Variants in NUDT19 observed in about 807,000 individuals in gnomAD.
NUDT19 encodes the protein acyl-coenzyme A diphosphatase NUDT19.
A neutral mutation model predicts 22.2 loss-of-function variants in NUDT19; 31 were observed. That is an observed-to-expected ratio of 1.40 (90% CI 1.05 to 1.89). The LOEUF (loss-of-function observed/expected upper bound fraction) is 1.89. Ranked by LOEUF, NUDT19 falls within the 40% of genes most tolerant of loss-of-function variation. The pLI is 0.00. For synonymous variants in NUDT19, 325 were observed against 230.8 expected (o/e 1.41, Z -3.70); for missense variants, 752 against 514.2 (o/e 1.46, Z -4.47).
In NUDT19 at chr19:32,691,928, C is replaced by G; in HGVS notation, c.-33C>G. 4 of 1,184,314 alleles carry G rather than the reference C, an allele frequency of 3.4e-6. 1 individual carries two copies. Among genetic ancestry groups the G allele is most frequent in the Non-Finnish European group, 2.1e-6 (2 of 949,118 alleles). 73.4% of individuals were successfully genotyped at this position (1,184,314 alleles called of 1,614,324 possible). ...GGGCCACCTGCCGTGGAGCTCAGGC[C>G]GCGCCAGAATCGGATCCGGGAAGCT... On this transcript the variant is annotated 5_prime_UTR_variant, in exon 1 of 3. Transcript: ENST00000397061.
At chr19:32,704,300 C>T (rs771712138) in intron 1 of NUDT19, among the ~76,000 whole-genome samples, 3 of 151,204 alleles carry the variant, frequency 2.0e-5, no homozygotes, top group East Asian at 2.0e-4. Flanking sequence ...CTTGCTCTGC[C>T]GCCCAGGCTG....
At chr19:32,703,648 CTTTTTTTTTTTTTTTTTTTT>C (rs60766132) in intron 1 of NUDT19, among the ~76,000 whole-genome samples, 7,223 of 68,854 alleles carry the variant, frequency 0.1, 465 homozygotes, top group South Asian at 0.25. Flanking sequence ...TGTGCCCAGC[CTTTTTTTTTTTTTTTTTTTT>C]TTTTTTTTTT....
chr19:32,696,356 G>A (rs919429865), intron 1 of NUDT19, among the ~76,000 whole-genome samples: 1 of 151,120 alleles, frequency 6.6e-6, no homozygotes, highest in African/African-American at 2.4e-5. Context: ...CCCCTAAACA[G>A]TTAGTCTAGC....
intron 1 of NUDT19, among the ~76,000 whole-genome samples, chr19:32,699,748 G>A (rs758112054): frequency 1.3e-5 from 2 of 152,196 alleles, no homozygotes; most frequent in Non-Finnish European, 2.9e-5. Flanking sequence ...GGTTCCTTCT[G>A]GTGGGTTCTT....
At chr19:32,706,399 T>C (rs191095006) in intron 1 of NUDT19, among the ~76,000 whole-genome samples, 99 of 152,310 alleles carry the variant, frequency 6.5e-4, no homozygotes, top group African/African-American at 2.2e-3. Context: ...TATAAGTTAT[T>C]GTTGGCTGAG....
intron 1 of NUDT19, 116 bp from the exon 2 acceptor site, chr19:32,709,069 G>T (rs986776708): frequency 1.3e-6 from 1 of 741,900 alleles, no homozygotes; most frequent in East Asian, 2.5e-5. Context: ...CTCACAGGGC[G>T]CATTAATGAA....
Position 32,692,144 on chromosome 19 carries a change from T to C in NUDT19, c.184T>C (p.Phe62Leu), listed in dbSNP as rs1782507622. Residue 62 changes from phenylalanine to leucine, a missense_variant, in exon 1 of 3, where the codon TTC becomes CTC. Transcript: ENST00000397061. ...AGGCTTCATGCCGGGCGCGCACGTC[T>C]TCTCCGGCGGAGTGCTGGATGCGGC... Reference protein sequence around the residue: ...HQGFMPGAHVFSGGVLDAADR... With the variant: ...HQGFMPGAHVLSGGVLDAADR... The C allele has an allele frequency of 1.3e-6, 2 of 1,495,980 alleles. No individual in the cohort carries two copies. Among genetic ancestry groups the C allele is most frequent in the South Asian group, 1.3e-5 (1 of 79,302 alleles). The allele number at this position is 1,495,980 out of a possible 1,614,324, so 92.7% of individuals were successfully genotyped here.
At chr19:32,693,080 C>G (rs1485465751) in intron 1 of NUDT19, among the ~76,000 whole-genome samples, 1 of 152,232 alleles carries the variant, frequency 6.6e-6, no homozygotes, top group African/African-American at 2.4e-5. Flanking sequence ...CTGTGTTGCA[C>G]ACCCAGGCTC....
chr19:32,692,627 G>A lies in NUDT19; in HGVS notation c.667G>A (p.Glu223Lys), dbSNP rs371914660. Reference protein sequence around the residue: ...DTAFFLCCLREPPPVYPDLAE... With the variant: ...DTAFFLCCLRKPPPVYPDLAE... ...GGCCTTCTTCCTGTGCTGCCTGCGCGAGCCGCCGCCCGTCTACCCCGACTT... is the reference window on the plus strand; with the variant it reads ...GGCCTTCTTCCTGTGCTGCCTGCGCAAGCCGCCGCCCGTCTACCCCGACTT... Residue 223 changes from glutamate (E) to lysine (K), a missense_variant, in exon 1 of 3, where the codon GAG (glutamate) becomes AAG (lysine). Coordinates refer to ENST00000397061, the MANE Select transcript of NUDT19 (RefSeq NM_001105570.2). 4.6e-6 allele frequency: 7 copies of A among 1,535,778 alleles called. No homozygotes were observed. The highest frequency in any genetic ancestry group is 2.0e-4 in the Middle Eastern group (1 of 5,046).
At chr19:32,703,201 G>A (rs922927082) in intron 1 of NUDT19, among the ~76,000 whole-genome samples, 4 of 151,668 alleles carry the variant, frequency 2.6e-5, no homozygotes, top group Admixed American at 2.0e-4. Context: ...GGTTTTCTCC[G>A]TGTTGGTCAG....
rs373051384 is a variant in NUDT19, at chr19:32,711,902, C to G, written c.1073C>G (p.Pro358Arg). Reference sequence around the variant, plus strand: ...TATGATATCCACGTGACTGTTCAGCCAAAGTATAAACACGTTTATCCTAAG... The same window carrying G: ...TATGATATCCACGTGACTGTTCAGCGAAAGTATAAACACGTTTATCCTAAG... The part of the protein sequence containing the change: ...HLYDIHVTVQ[P>R]KYKHVYPKNS... The change falls in exon 3 of 3, where the codon CCA (proline) becomes CGA (arginine). Residue 358 changes from proline (P) to arginine (R), a missense_variant. Coordinates refer to ENST00000397061, the MANE Select transcript of NUDT19 (RefSeq NM_001105570.2). 3 of 1,613,898 alleles carry G rather than the reference C, an allele frequency of 1.9e-6. No homozygotes were observed. The highest frequency in any genetic ancestry group is 2.5e-6 in the Non-Finnish European group (3 of 1,179,914).
At position 32,692,525 on chromosome 19, in the gene NUDT19, C is replaced by G. The variant is rs766486646; in HGVS notation, c.565C>G (p.Pro189Ala). The change falls in exon 1 of 3, where the codon CCC (proline) becomes GCC (alanine). Residue 189 changes from proline to alanine, a missense_variant. Coordinates refer to ENST00000397061, the MANE Select transcript of NUDT19 (RefSeq NM_001105570.2). ...GCTGTGCGCCCACCTCGACTGCACACCCGACATCTGGGCGCTGCACAACTG... is the reference window on the plus strand; with the variant it reads ...GCTGTGCGCCCACCTCGACTGCACAGCCGACATCTGGGCGCTGCACAACTG... ...LRLCAHLDCT[P>A]DIWALHNWSA... 1.3e-6 allele frequency: 2 copies of G among 1,583,542 alleles called. No homozygotes were observed. Among genetic ancestry groups the G allele is most frequent in the African/African-American group, 1.4e-5 (1 of 72,866 alleles).
chr19:32,705,625 C>T (rs1968380158), intron 1 of NUDT19, among the ~76,000 whole-genome samples: 1 of 150,132 alleles, frequency 6.7e-6, no homozygotes, highest in Non-Finnish European at 1.5e-5. Flanking sequence ...CACTCTGCCA[C>T]CCAGGCTGGA....
chr19:32,692,037 GC>G lies in NUDT19; in HGVS notation c.80del (p.Pro27ArgfsTer96), dbSNP rs1021642005. 3.4e-4 allele frequency: 430 copies of G among 1,272,272 alleles called. 2 individuals are homozygous for G. The African/African-American group carries it at 6.2e-3, about 18-fold the overall frequency. 78.8% of individuals were successfully genotyped at this position (1,272,272 alleles called of 1,614,324 possible). A position where few individuals can be genotyped will look rare whatever the true frequency, so the allele number is the denominator to read the frequency against. On this transcript the variant is annotated frameshift_variant, in exon 1 of 3. Transcript: ENST00000397061. LOFTEE classifies it high-confidence loss of function. Reference protein sequence around the residue: ...ASIVLAAGWSRPETATPPSRP... With the variant: ...ASIVLAAGWSXPETATPPSRP... ...ATCGTCCTGGCGGCTGGCTGGTCGCGCCCGGAGACCGCCACCCCGCCGTCGC... is the reference window on the plus strand; with the variant it reads ...ATCGTCCTGGCGGCTGGCTGGTCGCGCCGGAGACCGCCACCCCGCCGTCGC...
At chr19:32,698,111 A>G (rs1024771353) in intron 1 of NUDT19, among the ~76,000 whole-genome samples, 6 of 152,216 alleles carry the variant, frequency 3.9e-5, no homozygotes, top group African/African-American at 1.4e-4. Flanking sequence ...TGTAAATTGC[A>G]AGCTTTGCAT....
chr19:32,692,510 C>T lies in NUDT19; in HGVS notation c.550C>T (p.His184Tyr). Reference protein sequence around the residue: ...DPRHFLRLCAHLDCTPDIWAL... With the variant: ...DPRHFLRLCAYLDCTPDIWAL... ...GCGCCACTTCCTGCGGCTGTGCGCC[C>T]ACCTCGACTGCACACCCGACATCTG... The change falls in exon 1 of 3, where the codon CAC becomes TAC. Residue 184 changes from histidine to tyrosine, a missense_variant. Coordinates refer to ENST00000397061, the MANE Select transcript of NUDT19 (RefSeq NM_001105570.2). 1 of 1,565,482 alleles carries T rather than the reference C, an allele frequency of 6.4e-7. No individual in the cohort carries two copies. The highest frequency in any genetic ancestry group is 8.6e-7 in the Non-Finnish European group (1 of 1,159,532).
intron 2 of NUDT19, 43 bp downstream of exon 2, chr19:32,709,435 C>T (rs1968423386): frequency 6.6e-7 from 1 of 1,519,100 alleles, no homozygotes; most frequent in South Asian, 1.1e-5. Context: ...TATTCACATT[C>T]AGTGCCCTGG....
chr19:32,705,728 G>A (rs1968380949), intron 1 of NUDT19, among the ~76,000 whole-genome samples: 1 of 151,934 alleles, frequency 6.6e-6, no homozygotes, highest in Non-Finnish European at 1.5e-5. Context: ...GGGATTGCAG[G>A]CACATGCCAC....
rs556918794 is a variant in NUDT19, at chr19:32,712,023, A to G, written c.*66A>G. The G allele has an allele frequency of 1.9e-6, 2 of 1,030,386 alleles. No homozygotes were observed. Among genetic ancestry groups the G allele is most frequent in the South Asian group, 2.7e-5 (2 of 75,432 alleles). The allele number at this position is 1,030,386 out of a possible 1,614,324, so 63.8% of individuals were successfully genotyped here. ...TCATGAATAATGAGGGTTGACTTTCATTTGCTTGAAACTTAAGGAAGTTTG... is the reference window on the plus strand; with the variant it reads ...TCATGAATAATGAGGGTTGACTTTCGTTTGCTTGAAACTTAAGGAAGTTTG... On this transcript the variant is annotated 3_prime_UTR_variant, in exon 3 of 3. Transcript: ENST00000397061.
Sources: gnomAD v4.1 joint callset for allele counts (sites outside exome capture counted in the v4.1 genomes callset) on GRCh38, gnomAD v4.1.1 for gene constraint, MANE v1.5 for transcripts, NCBI Gene and HGNC (gene_info 2026-07-23, HGNC 2026-07-21) for gene names.